CTPS2: variants seen among roughly 807,000 people sequenced by gnomAD.
The protein encoded by CTPS2 is CTP synthase 2.
CTPS2 carries 19 observed loss-of-function variants against 46.8 expected under a neutral mutation model. The observed-to-expected ratio is 0.41, with a 90% CI of 0.28 to 0.60. The LOEUF (loss-of-function observed/expected upper bound fraction) is 0.60, where lower values mean the gene tolerates loss of function less well. Ranked by LOEUF, CTPS2 falls within the 20% of genes least tolerant of loss-of-function variation. The probability of loss-of-function intolerance (pLI) is 0.35; values close to 1 mark genes in which losing one functional copy is unlikely to be tolerated. For missense variants in CTPS2, 286 were observed against 447.6 expected, an observed-to-expected ratio of 0.64 and a Z score of 3.26; for synonymous variants, 151 against 165.2, an observed-to-expected ratio of 0.91 and a Z score of 0.66.
chrX:16,647,995 G>A (rs5980309), intron 13 of CTPS2, among the ~76,000 whole-genome samples: 4 of 111,071 alleles, frequency 3.6e-5, no homozygotes, highest in South Asian at 3.8e-4. Context: ...CCAGCTACTC[G>A]GGAGGCTGAG....
chrX:16,622,366 C>T (rs189245611), intron 14 of CTPS2, among the ~76,000 whole-genome samples: 2 of 107,128 alleles, frequency 1.9e-5, no homozygotes, highest in Admixed American at 2.0e-4. Flanking sequence ...GTCACCACTG[C>T]ACTCCAACCT....
At chrX:16,689,817 C>T (rs946936034) in intron 7 of CTPS2, among the ~76,000 whole-genome samples, 5 of 111,517 alleles carry the variant, frequency 4.5e-5, no homozygotes, top group African/African-American at 9.8e-5. Flanking sequence ...TATGGGAGGC[C>T]GAGGCGGGCA....
At position 16,657,985 on chromosome X, in the gene CTPS2, C is replaced by T. The variant is rs1014800585; in HGVS notation, c.1296+9529G>A. Among the ~76,000 whole-genome samples, 12 of 111,486 alleles carry T rather than the reference C, an allele frequency of 1.1e-4. No homozygotes were observed. The Admixed American group carries it at 1.1e-3, about 11-fold the overall frequency. On this transcript the variant is annotated intron_variant, in intron 13 of 18. Coordinates refer to ENST00000359276, the MANE Select transcript of CTPS2 (RefSeq NM_175859.3). ...CTTTGGGAGGCTGAGGCAGGTGGAT[C>T]GCTTGAGTCTAATAGTTCAAGACTA...
At position 16,656,025 on chromosome X, in the gene CTPS2, A is replaced by G. The variant is rs1049319572; in HGVS notation, c.1296+11489T>C. Among the ~76,000 whole-genome samples the G allele has an allele frequency of 2.7e-5, 3 of 110,292 alleles. No individual in the cohort carries two copies. The East Asian group carries it at 8.6e-4, about 31-fold the overall frequency. ...TGGCCAGGCTGGTCTTAAACTCCCA[A>G]TCTCAGGTGATCCACCCGCCTCAGC... On this transcript the variant is annotated intron_variant, in intron 13 of 18. Coordinates refer to ENST00000359276, the MANE Select transcript of CTPS2 (RefSeq NM_175859.3).
intron 14 of CTPS2, among the ~76,000 whole-genome samples, chrX:16,631,774 G>C (rs1430523875): frequency 8.9e-6 from 1 of 111,809 alleles, no homozygotes; most frequent in Non-Finnish European, 1.9e-5. Flanking sequence ...ACACTATCAA[G>C]TTGTTGGCCA....
At chrX:16,688,534 T>C (rs1569231447) in intron 8 of CTPS2, among the ~76,000 whole-genome samples, 1 of 109,657 alleles carries the variant, frequency 9.1e-6, no homozygotes, top group Admixed American at 9.9e-5. Flanking sequence ...GCCTTCCAAG[T>C]AGCTGAGACT....
At chrX:16,665,091 A>C (rs1222750731) in intron 13 of CTPS2, among the ~76,000 whole-genome samples, 1 of 112,378 alleles carries the variant, frequency 8.9e-6, no homozygotes, top group African/African-American at 3.2e-5. Context: ...ACGATGAGAC[A>C]CCACTTCACA....
chrX:16,711,143 C>A (rs1406975971), intron 1 of CTPS2, among the ~76,000 whole-genome samples: 1 of 111,868 alleles, frequency 8.9e-6, no homozygotes, highest in Non-Finnish European at 1.9e-5. Context: ...CAGCCAGGTA[C>A]GTAATTTTAA....
At chrX:16,620,432 A>G (rs1930763838) in intron 14 of CTPS2, 100 bp from the exon 15 acceptor site, 2 of 565,838 alleles carry the variant, frequency 3.5e-6, no homozygotes, top group Admixed American at 5.9e-5. Flanking sequence ...CTATCTATCT[A>G]TCAGAGGACT....
rs1179900720 is a variant in CTPS2, at chrX:16,678,092, C to T, written c.1094+270G>A. ...CTTCCAGGAGAATCAACACACTTTC[C>T]CTCTGCATCCTTCAGGAGAATCAAC... On this transcript the variant is annotated intron_variant, in intron 10 of 18. Coordinates refer to ENST00000359276, the MANE Select transcript of CTPS2 (RefSeq NM_175859.3). Among the ~76,000 whole-genome samples, 8 of 111,823 alleles carry T rather than the reference C, an allele frequency of 7.2e-5. No homozygotes were observed. In the Admixed American group the frequency reaches 7.6e-4, roughly 11 times the overall value.
intron 10 of CTPS2, among the ~76,000 whole-genome samples, chrX:16,673,087 C>T (rs1261686641): frequency 9.4e-6 from 1 of 106,677 alleles, no homozygotes; most frequent in Non-Finnish European, 1.9e-5. Flanking sequence ...GGGGTTTCAC[C>T]GTTTTAGCCG....
At chrX:16,654,573 A>C in intron 13 of CTPS2, 1 of 603,053 alleles carries the variant, frequency 1.7e-6, no homozygotes, top group Non-Finnish European at 2.6e-6. Context: ...GTCTTATCCT[A>C]TGTGGAATCC....
At chrX:16,662,519 A>G (rs1329647685) in intron 13 of CTPS2, among the ~76,000 whole-genome samples, 2 of 110,864 alleles carry the variant, frequency 1.8e-5, no homozygotes, top group African/African-American at 6.6e-5. Context: ...ATGATGACCT[A>G]TGAAGAGATC....
chrX:16,702,290 G>A (rs373520342), intron 2 of CTPS2, among the ~76,000 whole-genome samples: 3 of 111,812 alleles, frequency 2.7e-5, no homozygotes, highest in South Asian at 7.4e-4. Context: ...TTCTGACCTC[G>A]TGATCCACCT....
Position 16,691,447 on chromosome X carries a change from C to A in CTPS2, c.720+93G>T. On this transcript the variant is annotated intron_variant, in intron 7 of 18. Coordinates refer to ENST00000359276, the MANE Select transcript of CTPS2 (RefSeq NM_175859.3). ...GGGTTCCCCAGTGCTTGCATAAATG[C>A]CGTGAAAAGTAATATGATCATTGAA... The A allele has an allele frequency of 2.7e-6, 2 of 730,429 alleles. 1 individual carries two copies. Among genetic ancestry groups the A allele is most frequent in the Non-Finnish European group, 4.3e-6 (2 of 469,357 alleles). 60.2% of individuals were successfully genotyped at this position (730,429 alleles called of 1,213,427 possible).
At chrX:16,709,393 C>A (rs1251236789) in intron 1 of CTPS2, among the ~76,000 whole-genome samples, 3 of 103,379 alleles carry the variant, frequency 2.9e-5, no homozygotes, top group African/African-American at 7.1e-5. Flanking sequence ...GTGCCAGTGC[C>A]CTCCAACCTG....
intron 8 of CTPS2, among the ~76,000 whole-genome samples, chrX:16,683,443 A>G (rs1459774545): frequency 1.8e-5 from 2 of 110,911 alleles, no homozygotes; most frequent in Non-Finnish European, 3.8e-5. Context: ...ACAAAAAAAT[A>G]CAAAAATTAG....
At chrX:16,647,566 C>T (rs1157992890) in intron 13 of CTPS2, among the ~76,000 whole-genome samples, 1 of 109,778 alleles carries the variant, frequency 9.1e-6, no homozygotes, top group East Asian at 2.8e-4. Flanking sequence ...CCGTGCCCGG[C>T]CGCATTGGGC....
rs746634342 is a variant in CTPS2, at chrX:16,647,255, C to CTTTTTTTTTTTTT, written c.1297-8025_1297-8013dup. ...GACAATAGGCAGCATTGGGCCCATT[C>CTTTTTTTTTTTTT]TTTTTTTTTTTTTTTTTTTTTTTTT... On this transcript the variant is annotated intron_variant, in intron 13 of 18. Coordinates refer to ENST00000359276, the MANE Select transcript of CTPS2 (RefSeq NM_175859.3). Among the ~76,000 whole-genome samples, 74 of 39,759 alleles carry CTTTTTTTTTTTTT rather than the reference C, an allele frequency of 1.9e-3. 6 individuals are homozygous for CTTTTTTTTTTTTT. Among genetic ancestry groups the CTTTTTTTTTTTTT allele is most frequent in the African/African-American group, 7.5e-3 (74 of 9,887 alleles). The allele number at this position is 39,759 out of a possible 115,157, so 34.5% of individuals were successfully genotyped here.
Sources: gnomAD v4.1 joint callset for allele counts (sites outside exome capture counted in the v4.1 genomes callset) on GRCh38, gnomAD v4.1.1 for gene constraint, MANE v1.5 for transcripts, NCBI Gene and HGNC (gene_info 2026-07-23, HGNC 2026-07-21) for gene names.